PCID2: variants seen among roughly 807,000 people sequenced by gnomAD.
PCID2 encodes PCI domain-containing protein 2.
A neutral mutation model predicts 61.3 loss-of-function variants in PCID2; 41 were observed. That is an observed-to-expected ratio of 0.67 (90% CI 0.52 to 0.87). The LOEUF is 0.87. Ranked by LOEUF, PCID2 falls within the 40% of genes least tolerant of loss-of-function variation. The pLI is 0.00. For synonymous variants in PCID2, 187 were observed against 177.8 expected, an observed-to-expected ratio of 1.05 and a Z score of -0.41; for missense variants, 392 against 493.4, an observed-to-expected ratio of 0.79 and a Z score of 1.95.
intron 10 of PCID2, 142 bp downstream of exon 10, chr13:113,180,988 G>T (rs1449292674): frequency 3.3e-6 from 2 of 600,440 alleles, no homozygotes; most frequent in Non-Finnish European, 6.0e-6. Context: ...CAATGCATGC[G>T]CCTTCTTTAT....
chr13:113,202,577 C>G (rs112552772), intron 1 of PCID2, among the ~76,000 whole-genome samples: 2,811 of 152,142 alleles, frequency 0.018, 80 homozygotes, highest in African/African-American at 0.063. Flanking sequence ...AATTTACATG[C>G]AATAATTTCT....
the PCID2 span, chr13:113,170,609 A>C: frequency 1.1e-6 from 1 of 911,066 alleles, no homozygotes. Flanking sequence ...GACAAATTTA[A>C]AACTGGACTG....
chr13:113,192,528 CA>C (rs2038701402), intron 6 of PCID2, among the ~76,000 whole-genome samples: 1 of 152,184 alleles, frequency 6.6e-6, no homozygotes, highest in Non-Finnish European at 1.5e-5. Context: ...ACGAATAGAA[CA>C]AATCTGTCAC....
intron 1 of PCID2, chr13:113,208,167 C>A: frequency 6.3e-7 from 1 of 1,587,558 alleles, no homozygotes; most frequent in Non-Finnish European, 8.6e-7. Context: ...CGCGCTTACT[C>A]CTCCATCGCC....
chr13:113,187,079 CAA>C (rs2038182073), intron 7 of PCID2: 1 of 152,172 alleles, frequency 6.6e-6, no homozygotes, highest in South Asian at 2.1e-4. Context: ...TGACCTCAAA[CAA>C]AAGTCTCTCA....
At chr13:113,194,792 C>T (rs1159432180) in intron 6 of PCID2, among the ~76,000 whole-genome samples, 1 of 152,092 alleles carries the variant, frequency 6.6e-6, no homozygotes, top group East Asian at 1.9e-4. Flanking sequence ...GTTGTTGTTC[C>T]ACTCACTTCA....
At chr13:113,189,318 C>A (rs540653737) in intron 7 of PCID2, among the ~76,000 whole-genome samples, 1 of 152,046 alleles carries the variant, frequency 6.6e-6, no homozygotes, top group East Asian at 1.9e-4. Context: ...CATTCCCCAG[C>A]CTCAGGTATT....
intron 1 of PCID2, among the ~76,000 whole-genome samples, chr13:113,204,803 C>T (rs1404442617): frequency 6.6e-6 from 1 of 152,186 alleles, no homozygotes; most frequent in Admixed American, 6.5e-5. Context: ...GTGCGACTGG[C>T]GCCGCAGTGG....
Position 113,179,028 on chromosome 13 carries a change from T to C in PCID2, c.1048A>G (p.Met350Val), listed in dbSNP as rs762666673. The part of the protein sequence containing the change: ...LDAFLVALKF[M>V]QVEDVDIDEV... ...TCAATGTCCACGTCCTCCACCTGCATGAACTTCAAGGCAACCAGAAAAGCA... is the reference window on the plus strand; with the variant it reads ...TCAATGTCCACGTCCTCCACCTGCACGAACTTCAAGGCAACCAGAAAAGCA... Residue 350 changes from methionine to valine, a missense_variant, in exon 13 of 14, where the codon ATG becomes GTG. Physicochemically the swap from Met to Val is conservative, Grantham distance 21. Transcript: ENST00000337344. This position sits in a 1 kb window ranked among gnomAD's most constrained non-coding sequence, Gnocchi z 4.3. The C allele has an allele frequency of 6.2e-7, 1 of 1,613,794 alleles. No individual in the cohort carries two copies. Among genetic ancestry groups the C allele is most frequent in the Non-Finnish European group, 8.5e-7 (1 of 1,179,824 alleles).
At chr13:113,197,858 G>A (rs1226077221) in intron 3 of PCID2, among the ~76,000 whole-genome samples, 1 of 152,188 alleles carries the variant, frequency 6.6e-6, no homozygotes, top group Non-Finnish European at 1.5e-5. Context: ...TGTTTGCTTT[G>A]CTCAACTCTA....
intron 6 of PCID2, 113 bp downstream of exon 6, chr13:113,194,958 A>C: frequency 2.6e-6 from 2 of 767,266 alleles, no homozygotes; most frequent in South Asian, 2.9e-5. Context: ...TACCAGACAC[A>C]TCTCAACTCC....
At chr13:113,207,809 G>T (rs1377877418) in intron 1 of PCID2, among the ~76,000 whole-genome samples, 2 of 152,066 alleles carry the variant, frequency 1.3e-5, no homozygotes, top group African/African-American at 4.8e-5. Context: ...TACAAGCCTG[G>T]GAATCATTCT....
intron 1 of PCID2, 180 bp from the exon 2 acceptor site, chr13:113,200,696 C>G: frequency 4.5e-6 from 1 of 220,786 alleles, no homozygotes. Context: ...ACAATAATTT[C>G]TTTTTTTTTT....
rs566851404 is a variant in PCID2, at chr13:113,178,125, C to G, written c.*73G>C. 15 of 1,090,604 alleles carry G rather than the reference C, an allele frequency of 1.4e-5. No individual in the cohort carries two copies. Among genetic ancestry groups the G allele is most frequent in the Middle Eastern group, 4.0e-4 (2 of 4,972 alleles). 67.6% of individuals were successfully genotyped at this position (1,090,604 alleles called of 1,614,324 possible). ...GCTTCAGGGAGCCTTGTTGCAGTAC[C>G]GGACCGGTCTCATCAGCACAACCAA... On this transcript the variant is annotated 3_prime_UTR_variant, in exon 14 of 14. Transcript: ENST00000337344.
intron 4 of PCID2, 199 bp downstream of exon 4, chr13:113,196,972 TTACTAAG>T: frequency 7.5e-7 from 1 of 1,336,782 alleles, no homozygotes. Context: ...GTGTTCTTCC[TTACTAAG>T]TACTGCACGA....
At chr13:113,192,486 G>C (rs1314793044) in intron 6 of PCID2, among the ~76,000 whole-genome samples, 1 of 152,094 alleles carries the variant, frequency 6.6e-6, no homozygotes, top group Non-Finnish European at 1.5e-5. Context: ...AGCTACCCAG[G>C]CTTGGGCATC....
intron 7 of PCID2, among the ~76,000 whole-genome samples, chr13:113,189,927 G>A (rs2038458463): frequency 6.6e-6 from 1 of 152,060 alleles, no homozygotes; most frequent in Non-Finnish European, 1.5e-5. Context: ...GGAGGCTGAG[G>A]CAGGAGAATG....
In PCID2 at chr13:113,191,924, G is replaced by A. The variant is rs746533319; in HGVS notation, c.364-949C>T. Among the ~76,000 whole-genome samples, 6 of 152,074 alleles carry A rather than the reference G, an allele frequency of 3.9e-5. 1 individual carries two copies. Among genetic ancestry groups the A allele is most frequent in the Non-Finnish European group, 8.8e-5 (6 of 68,016 alleles). On this transcript the variant is annotated intron_variant, in intron 6 of 13. Coordinates refer to ENST00000337344, the MANE Select transcript of PCID2 (RefSeq NM_001127202.4). ...ACACCAGACACTCTGCAATCAATCA[G>A]TCAATCAACAAACCAGTAAAATTAG...
In PCID2 at chr13:113,208,668, A is replaced by G. The variant is rs2040156565; in HGVS notation, c.-34T>C. 6.3e-7 allele frequency: 1 copy of G among 1,594,764 alleles called. No homozygotes were observed. The highest frequency in any genetic ancestry group is 1.4e-5 in the African/African-American group (1 of 73,832). ...CGCCGAACGGAGAGCGCCACCCCCT[A>G]CGCCTCAAGCGGGCCAGCTGGCGTC... On this transcript the variant is annotated 5_prime_UTR_variant, in exon 1 of 14. Transcript: ENST00000337344.
Sources: gnomAD v4.1 joint callset for allele counts (sites outside exome capture counted in the v4.1 genomes callset) on GRCh38, gnomAD v4.1.1 for gene constraint, Gnocchi (gnomAD v3.1) non-coding constraint, MANE v1.5 for transcripts, NCBI Gene and HGNC (gene_info 2026-07-23, HGNC 2026-07-21) for gene names.